The following SCAPER variants were observed in gnomAD, a reference collection of about 807,000 sequenced individuals.
The protein encoded by SCAPER is S phase cyclin A-associated protein in the endoplasmic reticulum.
A neutral mutation model predicts 182.2 loss-of-function variants in SCAPER; 98 were observed. The observed-to-expected ratio is 0.54, with a 90% CI of 0.46 to 0.64. The LOEUF (loss-of-function observed/expected upper bound fraction) is 0.64. Ranked by LOEUF, SCAPER falls within the 30% of genes least tolerant of loss-of-function variation. SCAPER has a pLI of 0.00. For missense variants in SCAPER, 1,432 were observed against 1,690.0 expected (o/e 0.85, Z 2.68); for synonymous variants, 605 against 564.6 (o/e 1.07, Z -1.01).
intron 26 of SCAPER, among the ~76,000 whole-genome samples, chr15:76,429,349 TG>T (rs2046697035): frequency 6.6e-6 from 1 of 152,162 alleles, no homozygotes; most frequent in African/African-American, 2.4e-5. Flanking sequence ...ACTTTGGAAC[TG>T]GGTAACAGGT....
At chr15:76,425,620 A>G (rs1419199563) in intron 26 of SCAPER, among the ~76,000 whole-genome samples, 1 of 152,198 alleles carries the variant, frequency 6.6e-6, no homozygotes, top group Admixed American at 6.5e-5. Context: ...TCAACTTGTT[A>G]AAGTCATTCT....
chr15:76,382,405 TAA>T (rs1410755960), intron 27 of SCAPER, among the ~76,000 whole-genome samples: 1 of 143,886 alleles, frequency 6.9e-6, no homozygotes. Flanking sequence ...TCACAGGTGT[TAA>T]AAAAAAAAAG....
chr15:76,358,889 T>C (rs544653352), intron 29 of SCAPER, among the ~76,000 whole-genome samples: 2 of 152,322 alleles, frequency 1.3e-5, no homozygotes, highest in East Asian at 3.9e-4. Flanking sequence ...TCAGTGGCCA[T>C]AAACCATGAA....
intron 22 of SCAPER, among the ~76,000 whole-genome samples, chr15:76,579,023 T>C (rs1009505649): frequency 6.6e-6 from 1 of 151,958 alleles, no homozygotes; most frequent in Non-Finnish European, 1.5e-5. Context: ...AAAATAATCT[T>C]TGGGAGGCTG....
intron 4 of SCAPER, among the ~76,000 whole-genome samples, chr15:76,842,553 G>T (rs62029198): frequency 0.019 from 2,938 of 152,248 alleles, 38 homozygotes; most frequent in Middle Eastern, 0.031. Context: ...GCTGAACTGT[G>T]AGTCAATTAA....
In SCAPER at chr15:76,883,860, C is replaced by CT; in HGVS notation, c.-44_-43insA. On this transcript the variant is annotated 5_prime_UTR_variant, in exon 2 of 32. It introduces an in-frame stop codon into an upstream open reading frame of the 5' UTR. Transcript: ENST00000563290. ...ATGCCAAGATCATTTATCACATAAA[C>CT]CCATGGAGTATGACTCCTACAATAA... is the stretch of plus-strand genomic sequence containing the variant. The CT allele has an allele frequency of 6.9e-7, 1 of 1,441,860 alleles. No homozygotes were observed. Among genetic ancestry groups the CT allele is most frequent in the South Asian group, 1.3e-5 (1 of 74,638 alleles). 89.3% of individuals were successfully genotyped at this position (1,441,860 alleles called of 1,614,324 possible). A position where few individuals can be genotyped will look rare whatever the true frequency, so the allele number is the denominator to read the frequency against.
intron 14 of SCAPER, among the ~76,000 whole-genome samples, chr15:76,757,441 TTC>T (rs966348951): frequency 7.8e-5 from 10 of 128,384 alleles, no homozygotes; most frequent in South Asian, 5.4e-4. Flanking sequence ...CTAGATAATA[TTC>T]TGTTTTATAT....
At chr15:76,453,105 A>G (rs1174853156) in intron 25 of SCAPER, among the ~76,000 whole-genome samples, 2 of 152,182 alleles carry the variant, frequency 1.3e-5, no homozygotes, top group African/African-American at 4.8e-5. Context: ...AGTTGCTGGG[A>G]TTACAGGTGA....
intron 5 of SCAPER, among the ~76,000 whole-genome samples, chr15:76,830,557 A>C (rs2068376425): frequency 6.6e-6 from 1 of 152,038 alleles, no homozygotes; most frequent in African/African-American, 2.4e-5. Context: ...AATCCATTGG[A>C]TAGTGAGTGG....
intron 4 of SCAPER, among the ~76,000 whole-genome samples, chr15:76,853,108 C>A (rs2070934492): frequency 6.6e-6 from 1 of 152,142 alleles, no homozygotes; most frequent in Non-Finnish European, 1.5e-5. Flanking sequence ...GACACATACT[C>A]CCTCCCAAGA....
chr15:76,672,738 G>C (rs1207945959), intron 20 of SCAPER, among the ~76,000 whole-genome samples: 1 of 151,982 alleles, frequency 6.6e-6, no homozygotes, highest in Non-Finnish European at 1.5e-5. Flanking sequence ...TCTTGACAAA[G>C]TAAATCAAAG....
rs151128231 is a variant in SCAPER at position 76,811,098 on chromosome 15, C to T, written c.394-6465G>A. ...AATAATAGAAGACTGCAATGTCTCA[C>T]TTTCAATAATAGATAGAATTTACAA... On this transcript the variant is annotated intron_variant, in intron 5 of 31. Transcript: ENST00000563290. Among the ~76,000 whole-genome samples the T allele has an allele frequency of 3.3e-3, 452 of 135,712 alleles. 5 individuals carry two copies. Among genetic ancestry groups the T allele is most frequent in the African/African-American group, 0.011 (432 of 37,746 alleles). 89.0% of individuals were successfully genotyped at this position (135,712 alleles called of 152,430 possible).
intron 23 of SCAPER, among the ~76,000 whole-genome samples, chr15:76,522,519 A>T (rs2042910518): frequency 6.6e-6 from 1 of 152,180 alleles, no homozygotes; most frequent in East Asian, 1.9e-4. Context: ...TTGTAGCAAG[A>T]TGTGAAAAAT....
At chr15:76,638,404 T>C (rs1026729127) in intron 21 of SCAPER, among the ~76,000 whole-genome samples, 4 of 152,162 alleles carry the variant, frequency 2.6e-5, no homozygotes, top group Non-Finnish European at 4.4e-5. Context: ...TAGTATAAAA[T>C]AGACATGGCA....
At chr15:76,899,757 A>T (rs1229010178) in intron 1 of SCAPER, among the ~76,000 whole-genome samples, 6 of 149,876 alleles carry the variant, frequency 4.0e-5, no homozygotes, top group Admixed American at 2.0e-4. Flanking sequence ...GGATGTGAGG[A>T]GCACCTCTGC....
chr15:76,498,003 AAAAAAAAAAAAAAAAAAT>A (rs1172447460), intron 24 of SCAPER, among the ~76,000 whole-genome samples: 1 of 149,088 alleles, frequency 6.7e-6, no homozygotes, highest in African/African-American at 2.5e-5. Flanking sequence ...AAAAAAAAAA[AAAAAAAAAAAAAAAAAAT>A]AAGCACATGA....
At chr15:76,481,527 AC>A (rs905828496) in intron 24 of SCAPER, among the ~76,000 whole-genome samples, 1 of 152,232 alleles carries the variant, frequency 6.6e-6, no homozygotes, top group African/African-American at 2.4e-5. Context: ...TTGTTAAAAA[AC>A]ATTTTTAATG....
chr15:76,680,890 A>G (rs1598119873), intron 20 of SCAPER, among the ~76,000 whole-genome samples: 1 of 152,226 alleles, frequency 6.6e-6, no homozygotes, highest in South Asian at 2.1e-4. Context: ...CTTCTGAAGC[A>G]ACACAAAAAC....
intron 22 of SCAPER, among the ~76,000 whole-genome samples, chr15:76,620,450 A>G (rs907612181): frequency 7.2e-5 from 11 of 152,174 alleles, no homozygotes; most frequent in African/African-American, 2.7e-4. Flanking sequence ...GATATACAGC[A>G]TCTTCCTAAT....
Sources: allele counts gnomAD v4.1 joint callset (sites outside exome capture counted in the v4.1 genomes callset), GRCh38; gene constraint gnomAD v4.1.1; transcripts MANE v1.5; gene names NCBI Gene and HGNC (gene_info 2026-07-23, HGNC 2026-07-21).